ABTB3: variants seen among roughly 807,000 people sequenced by gnomAD.
The protein encoded by ABTB3 is ankyrin repeat and BTB domain containing 3.
the ABTB3 span, among the ~76,000 whole-genome samples, chr12:107,632,469 C>T: frequency 6.6e-6 from 1 of 152,150 alleles, no homozygotes; most frequent in Non-Finnish European, 1.5e-5. Flanking sequence ...TTTTTTATGA[C>T]CAGCCAGTAC....
the ABTB3 span, among the ~76,000 whole-genome samples, chr12:107,364,427 C>A: frequency 6.6e-6 from 1 of 151,846 alleles, no homozygotes; most frequent in East Asian, 1.9e-4. Context: ...GTAGCTGGAA[C>A]TACAGGGCAC....
the ABTB3 span, among the ~76,000 whole-genome samples, chr12:107,383,333 T>C: frequency 0.061 from 9,329 of 152,252 alleles, 358 homozygotes; most frequent in Middle Eastern, 0.14. Context: ...TCTGTGTGTG[T>C]GCCGCATTTT....
chr12:107,464,311 T>G, the ABTB3 span, among the ~76,000 whole-genome samples: 1 of 151,840 alleles, frequency 6.6e-6, no homozygotes, highest in Admixed American at 6.6e-5. Flanking sequence ...TGACTGTTTT[T>G]GTTTTCATTT....
chr12:107,523,568 CT>C, the ABTB3 span, among the ~76,000 whole-genome samples: 1 of 152,026 alleles, frequency 6.6e-6, no homozygotes, highest in Non-Finnish European at 1.5e-5. Context: ...CTCCGGGTTT[CT>C]TTTTTTCTTT....
At chr12:107,472,171 G>C in the ABTB3 span, among the ~76,000 whole-genome samples, 5 of 152,338 alleles carry the variant, frequency 3.3e-5, no homozygotes, top group East Asian at 5.8e-4. Context: ...TTCTGCAGCA[G>C]AGGCAGGTTT....
the ABTB3 span, among the ~76,000 whole-genome samples, chr12:107,564,134 GTGTT>G: frequency 6.7e-6 from 1 of 150,050 alleles, no homozygotes; most frequent in Non-Finnish European, 1.5e-5. Flanking sequence ...GTGTGTGTGT[GTGTT>G]TGGCTAATCA....
chr12:107,433,225 G>C, the ABTB3 span, among the ~76,000 whole-genome samples: 1 of 146,760 alleles, frequency 6.8e-6, no homozygotes, highest in East Asian at 2.0e-4. Context: ...GGGAAGCGGA[G>C]CTTGCAGTGA....
the ABTB3 span, among the ~76,000 whole-genome samples, chr12:107,521,599 C>G: frequency 1.2e-4 from 19 of 152,164 alleles, no homozygotes; most frequent in East Asian, 3.5e-3. Flanking sequence ...TGTTCAGAGT[C>G]CTCCACTGGC....
the ABTB3 span, among the ~76,000 whole-genome samples, chr12:107,518,703 TAACA>T: frequency 6.6e-6 from 1 of 152,062 alleles, no homozygotes; most frequent in Admixed American, 6.6e-5. Context: ...TATACATATG[TAACA>T]AACCTGCACA....
At chr12:107,592,981 C>T in the ABTB3 span, among the ~76,000 whole-genome samples, 1 of 152,118 alleles carries the variant, frequency 6.6e-6, no homozygotes, top group Admixed American at 6.5e-5. Context: ...AAAGCAAGTT[C>T]TGGGATATGA....
the ABTB3 span, among the ~76,000 whole-genome samples, chr12:107,470,010 TTCTCTCTC>T: frequency 2.1e-3 from 121 of 57,138 alleles, 8 homozygotes; most frequent in African/African-American, 9.3e-3. Context: ...CTTTCTTTCT[TTCTCTCTC>T]TCTCTCTCTC....
At chr12:107,395,251 T>C in the ABTB3 span, among the ~76,000 whole-genome samples, 1 of 152,158 alleles carries the variant, frequency 6.6e-6, no homozygotes, top group Non-Finnish European at 1.5e-5. Flanking sequence ...TCTGCTAACA[T>C]TGTCAAAGGG....
the ABTB3 span, chr12:107,612,808 T>C: frequency 6.2e-7 from 1 of 1,613,904 alleles, no homozygotes; most frequent in Non-Finnish European, 8.5e-7. Flanking sequence ...TATGCCTGCG[T>C]CCGTGGGGAC....
chr12:107,622,520 C>T, the ABTB3 span, among the ~76,000 whole-genome samples: 849 of 152,244 alleles, frequency 5.6e-3, 6 homozygotes, highest in African/African-American at 0.019. Flanking sequence ...CTCGCTCTGT[C>T]GCCCAGACTG....
At chr12:107,657,588 C>A in the ABTB3 span, 1 of 1,614,222 alleles carries the variant, frequency 6.2e-7, no homozygotes, top group Non-Finnish European at 8.5e-7. Context: ...GAAAACGAAG[C>A]ATTCAAGCAG....
At chr12:107,318,886 C>T in the ABTB3 span, 1 of 1,507,132 alleles carries the variant, frequency 6.6e-7, no homozygotes, top group African/African-American at 1.4e-5. Context: ...CTCGCTGCTC[C>T]TCGCCGCTCC....
the ABTB3 span, among the ~76,000 whole-genome samples, chr12:107,371,170 T>G: frequency 5.7e-4 from 87 of 152,232 alleles, no homozygotes; most frequent in Middle Eastern, 6.8e-3. Context: ...TGATTCCGGC[T>G]TGAGTAGCAA....
chr12:107,567,008 T>C, the ABTB3 span, among the ~76,000 whole-genome samples: 1 of 152,164 alleles, frequency 6.6e-6, no homozygotes, highest in Non-Finnish European at 1.5e-5. Flanking sequence ...TCCCAGCTAC[T>C]CAGGAAGCTG....
the ABTB3 span, among the ~76,000 whole-genome samples, chr12:107,326,817 C>T: frequency 3.9e-5 from 6 of 152,334 alleles, no homozygotes; most frequent in African/African-American, 1.4e-4. Context: ...ATGGAAGGTA[C>T]ATACACAGCA....
Sources: gnomAD v4.1 joint callset for allele counts (sites outside exome capture counted in the v4.1 genomes callset) on GRCh38, gnomAD v4.1.1 for gene constraint, MANE v1.5 for transcripts, NCBI Gene and HGNC (gene_info 2026-07-23, HGNC 2026-07-21) for gene names.